FRMPD4: variants seen among roughly 807,000 people sequenced by gnomAD.
The protein encoded by FRMPD4 is FERM and PDZ domain containing 4.
A neutral mutation model predicts 94.1 loss-of-function variants in FRMPD4; 22 were observed. The observed-to-expected ratio is 0.23, with a 90% confidence interval of 0.17 to 0.33. The LOEUF (loss-of-function observed/expected upper bound fraction) is 0.33. Ranked by LOEUF, FRMPD4 falls within the 10% of genes least tolerant of loss-of-function variation. FRMPD4 has a pLI of 1.00. For missense variants in FRMPD4, 1,111 were observed against 1,339.9 expected (o/e 0.83, Z 2.67); for synonymous variants, 631 against 548.6 (o/e 1.15, Z -2.10).
At chrX:12,075,172 T>C (rs1401970181) in intron 3 of FRMPD4, among the ~76,000 whole-genome samples, 1 of 112,379 alleles carries the variant, frequency 8.9e-6, no homozygotes, top group Non-Finnish European at 1.9e-5. Flanking sequence ...ACTCTATATA[T>C]TATAATGGTG....
At chrX:11,888,179 AT>A (rs750365486) in intron 3 of FRMPD4, among the ~76,000 whole-genome samples, 1 of 112,093 alleles carries the variant, frequency 8.9e-6, no homozygotes, top group Non-Finnish European at 1.9e-5. Context: ...AATAAAACAT[AT>A]TATAACTAGG....
chrX:11,925,233 C>A (rs937889714), intron 3 of FRMPD4, among the ~76,000 whole-genome samples: 4 of 110,358 alleles, frequency 3.6e-5, no homozygotes, highest in Non-Finnish European at 5.7e-5. Context: ...TATATGCACC[C>A]AACACAGGAG....
intron 1 of FRMPD4, among the ~76,000 whole-genome samples, chrX:12,169,212 T>A (rs914645101): frequency 9.0e-6 from 1 of 111,487 alleles, no homozygotes; most frequent in Non-Finnish European, 1.9e-5. Flanking sequence ...ATATGCATGA[T>A]CCCCCTAAAT....
chrX:12,010,350 C>A (rs2054574713), intron 3 of FRMPD4, among the ~76,000 whole-genome samples: 1 of 112,122 alleles, frequency 8.9e-6, no homozygotes, highest in South Asian at 3.7e-4. Flanking sequence ...ACGAAAAATT[C>A]TCTTAAAATA....
intron 1 of FRMPD4, among the ~76,000 whole-genome samples, chrX:12,246,548 A>G (rs2053961356): frequency 8.9e-6 from 1 of 112,005 alleles, no homozygotes; most frequent in Admixed American, 9.5e-5. Context: ...AAATTGGAGT[A>G]AGACTGAGAT....
At chrX:12,437,942 A>G (rs2057088931) in intron 1 of FRMPD4, among the ~76,000 whole-genome samples, 1 of 112,081 alleles carries the variant, frequency 8.9e-6, no homozygotes, top group Admixed American at 9.5e-5. Flanking sequence ...AGGATCAAGG[A>G]TCAAAATTTA....
At chrX:12,567,945 A>G (rs1432706770) in intron 2 of FRMPD4, among the ~76,000 whole-genome samples, 3 of 111,810 alleles carry the variant, frequency 2.7e-5, no homozygotes, top group Admixed American at 9.5e-5. Flanking sequence ...AGGATAGCCT[A>G]ATTATGTGTA....
chrX:12,248,355 C>T (rs2053984415), intron 1 of FRMPD4, among the ~76,000 whole-genome samples: 1 of 112,316 alleles, frequency 8.9e-6, no homozygotes, highest in Non-Finnish European at 1.9e-5. Context: ...CAAGGATTCT[C>T]AACAGCAGTA....
At chrX:12,540,086 G>A (rs2058389559) in intron 2 of FRMPD4, among the ~76,000 whole-genome samples, 1 of 112,012 alleles carries the variant, frequency 8.9e-6, no homozygotes, top group African/African-American at 3.2e-5. Flanking sequence ...GCTCCTAAAG[G>A]AAGCACTAAA....
chrX:12,554,493 C>T (rs1018740364), intron 2 of FRMPD4, among the ~76,000 whole-genome samples: 23 of 112,381 alleles, frequency 2.0e-4, no homozygotes, highest in African/African-American at 7.4e-4. Context: ...CTTTAAAATA[C>T]CACCTAGATT....
intron 4 of FRMPD4, among the ~76,000 whole-genome samples, chrX:12,641,356 C>T (rs774391164): frequency 1.8e-5 from 2 of 111,248 alleles, no homozygotes; most frequent in African/African-American, 3.3e-5. Context: ...TGTTTATAGT[C>T]GCCAGTTAAG....
intron 6 of FRMPD4, 149 bp from the exon 7 acceptor site, chrX:12,685,948 C>A: frequency 3.0e-6 from 1 of 330,120 alleles, no homozygotes; most frequent in South Asian, 1.1e-4. Flanking sequence ...ACTTAACTCA[C>A]ATATCACCAA....
intron 1 of FRMPD4, among the ~76,000 whole-genome samples, chrX:12,304,484 C>T (rs1215245534): frequency 1.8e-5 from 2 of 110,946 alleles, no homozygotes; most frequent in African/African-American, 6.6e-5. Flanking sequence ...GCCTAATGTC[C>T]CCTGGGAGCA....
chrX:12,372,327 T>A (rs1030463724), intron 1 of FRMPD4, among the ~76,000 whole-genome samples: 2 of 113,295 alleles, frequency 1.8e-5, no homozygotes, highest in African/African-American at 6.4e-5. Flanking sequence ...AAGCATCGCC[T>A]GAGAATCTTA....
intron 1 of FRMPD4, among the ~76,000 whole-genome samples, chrX:12,256,285 C>A (rs2054113671): frequency 8.9e-6 from 1 of 111,844 alleles, no homozygotes; most frequent in Non-Finnish European, 1.9e-5. Flanking sequence ...TATCCAGTGA[C>A]CTTCCCCACA....
intron 1 of FRMPD4, among the ~76,000 whole-genome samples, chrX:12,493,081 T>C (rs2057808263): frequency 9.0e-6 from 1 of 111,394 alleles, no homozygotes; most frequent in Admixed American, 9.5e-5. Flanking sequence ...AAAAGAAACA[T>C]GGCTGTCTTC....
At chrX:12,137,426 C>T (rs761475019), upstream of FRMPD4, among the ~76,000 whole-genome samples, 5 of 112,453 alleles carry the variant, frequency 4.4e-5, no homozygotes, top group East Asian at 5.6e-4. Flanking sequence ...TTAATCCCCT[C>T]GGAGAGCTAG....
rs764072912 is a variant in FRMPD4, at chrX:12,539,439, G to A, written c.158+40643G>A. Reference sequence around the variant, plus strand: ...TTCAAACTCAGGAAATACAGAGAACGCCACAAAGATACTCCTCGAGAAGAG... The same window carrying A: ...TTCAAACTCAGGAAATACAGAGAACACCACAAAGATACTCCTCGAGAAGAG... On this transcript the variant is annotated intron_variant, in intron 2 of 16. Coordinates refer to ENST00000675598, the MANE Select transcript of FRMPD4 (RefSeq NM_001368397.1). 1.1e-4 allele frequency among the ~76,000 whole-genome samples: 12 copies of A among 111,340 alleles called. No homozygotes were observed. In the South Asian group the frequency reaches 1.1e-3, roughly 11 times the overall value.
At chrX:12,130,553 G>A (rs893057970) in intron 3 of FRMPD4, among the ~76,000 whole-genome samples, 5 of 111,287 alleles carry the variant, frequency 4.5e-5, no homozygotes. Flanking sequence ...AGTAGATGGT[G>A]TATGGTAGAT....
Sources: allele counts gnomAD v4.1 joint callset (sites outside exome capture counted in the v4.1 genomes callset), GRCh38; gene constraint gnomAD v4.1.1; transcripts MANE v1.5; gene names NCBI Gene and HGNC (gene_info 2026-07-23, HGNC 2026-07-21).